CTIF: variants seen among roughly 807,000 people sequenced by gnomAD.
CTIF encodes the protein cap binding complex dependent translation initiation factor.
A neutral mutation model predicts 66.0 loss-of-function variants in CTIF; 21 were observed. That is an observed-to-expected ratio of 0.32 (90% CI 0.23 to 0.46). CTIF has a LOEUF of 0.46. Among genes scored for constraint, CTIF ranks in the 20% least tolerant of loss-of-function variants. The pLI is 1.00. For missense variants in CTIF, 739 were observed against 812.7 expected, an observed-to-expected ratio of 0.91 and a Z score of 1.10; for synonymous variants, 345 against 326.4, an observed-to-expected ratio of 1.06 and a Z score of -0.62.
intron 10 of CTIF, among the ~76,000 whole-genome samples, chr18:48,849,034 C>A (rs2069140419): frequency 6.6e-6 from 1 of 152,274 alleles, no homozygotes; most frequent in East Asian, 1.9e-4. Context: ...GTGCCAGAGA[C>A]TCTGATGAGT....
chr18:48,587,075 CTTT>C (rs778079682), intron 1 of CTIF, among the ~76,000 whole-genome samples: 14 of 127,988 alleles, frequency 1.1e-4, no homozygotes, highest in African/African-American at 1.7e-4. Flanking sequence ...AAGCCACATT[CTTT>C]TTTTTTTTTT....
At chr18:48,588,005 T>C (rs1468673283) in intron 1 of CTIF, among the ~76,000 whole-genome samples, 1 of 152,204 alleles carries the variant, frequency 6.6e-6, no homozygotes, top group Admixed American at 6.5e-5. Context: ...GTGGTTAAAT[T>C]ACTCTCTTGG....
At chr18:48,602,810 A>T (rs1034425682) in intron 1 of CTIF, among the ~76,000 whole-genome samples, 1 of 150,044 alleles carries the variant, frequency 6.7e-6, no homozygotes, top group Non-Finnish European at 1.5e-5. Context: ...TGGGTGAACG[A>T]ATGGATGAAT....
At chr18:48,605,838 G>A (rs2090191064) in intron 1 of CTIF, among the ~76,000 whole-genome samples, 1 of 152,178 alleles carries the variant, frequency 6.6e-6, no homozygotes, top group Non-Finnish European at 1.5e-5. Context: ...TACAATGATG[G>A]GAAAAACGAA....
chr18:48,792,919 G>A (rs2067825351), intron 9 of CTIF, among the ~76,000 whole-genome samples: 1 of 152,162 alleles, frequency 6.6e-6, no homozygotes, highest in South Asian at 2.1e-4. Flanking sequence ...ATAGAAATAA[G>A]CCTCAGGGAG....
At chr18:48,639,904 C>T (rs532646768) in intron 3 of CTIF, among the ~76,000 whole-genome samples, 133 of 152,286 alleles carry the variant, frequency 8.7e-4, no homozygotes, top group Non-Finnish European at 1.8e-3. Context: ...TTTCTGCCCA[C>T]GAAGCAGCCA....
At chr18:48,730,696 AGGTGTGAGGGGCTTCCGC>A (rs1330400346) in intron 7 of CTIF, among the ~76,000 whole-genome samples, 1,315 of 34,170 alleles carry the variant, frequency 0.038, 145 homozygotes, top group South Asian at 0.075. Flanking sequence ...GGAGCCCCTG[AGGTGTGAGGGGCTTCCGC>A]GGTGTGAGGG....
chr18:48,673,845 T>G (rs1276842728), intron 6 of CTIF, among the ~76,000 whole-genome samples: 1 of 152,226 alleles, frequency 6.6e-6, no homozygotes, highest in Admixed American at 6.5e-5. Flanking sequence ...ATTAGTGTAT[T>G]TTATGTGTGG....
At chr18:48,680,082 C>T (rs1054776431) in intron 6 of CTIF, among the ~76,000 whole-genome samples, 2 of 152,160 alleles carry the variant, frequency 1.3e-5, no homozygotes, top group Non-Finnish European at 2.9e-5. Flanking sequence ...ATTCAGAAGC[C>T]GTGGGACAGG....
chr18:48,620,354 A>T (rs2090471869), intron 2 of CTIF, among the ~76,000 whole-genome samples: 1 of 152,166 alleles, frequency 6.6e-6, no homozygotes, highest in Middle Eastern at 3.2e-3. Flanking sequence ...CATCTGAAAG[A>T]TTGTGAGCTG....
intron 9 of CTIF, among the ~76,000 whole-genome samples, chr18:48,783,143 G>A (rs1400364724): frequency 1.3e-5 from 2 of 152,314 alleles, no homozygotes; most frequent in South Asian, 4.1e-4. Context: ...GAGCAACTGG[G>A]ATCCAGGCCT....
intron 9 of CTIF, among the ~76,000 whole-genome samples, chr18:48,783,166 G>A (rs898033254): frequency 6.6e-6 from 1 of 152,164 alleles, no homozygotes; most frequent in Non-Finnish European, 1.5e-5. Flanking sequence ...TAGACACAGG[G>A]TCCCATGTAG....
At chr18:48,701,507 A>G (rs1196239149) in intron 6 of CTIF, among the ~76,000 whole-genome samples, 1 of 103,372 alleles carries the variant, frequency 9.7e-6, no homozygotes, top group Non-Finnish European at 2.0e-5. Flanking sequence ...ACAGAGAGTC[A>G]CAGTCATCCT....
At chr18:48,669,793 T>TTATATATATATATA in intron 5 of CTIF, among the ~76,000 whole-genome samples, 2 of 47,258 alleles carry the variant, frequency 4.2e-5, no homozygotes, top group African/African-American at 8.4e-5. Flanking sequence ...AGCTAAACAT[T>TTATATATATATATA]TATATATATA....
At chr18:48,692,317 A>C (rs1304498687) in intron 6 of CTIF, among the ~76,000 whole-genome samples, 2 of 114,574 alleles carry the variant, frequency 1.7e-5, no homozygotes, top group Non-Finnish European at 3.3e-5. Flanking sequence ...AAAAACAAAA[A>C]CAAAACAAAA....
intron 3 of CTIF, 141 bp downstream of exon 3, chr18:48,636,826 C>A: frequency 2.0e-6 from 1 of 500,368 alleles, no homozygotes; most frequent in South Asian, 5.6e-5. Context: ...GCATCTGTTC[C>A]CTGGAAAGCC....
intron 6 of CTIF, among the ~76,000 whole-genome samples, chr18:48,676,212 C>T (rs556894620): frequency 1.3e-5 from 2 of 152,284 alleles, no homozygotes; most frequent in South Asian, 2.1e-4. Context: ...CGGCGCCCTG[C>T]GGAAATGCCA....
chr18:48,644,430 G>A (rs536908684), intron 3 of CTIF, among the ~76,000 whole-genome samples: 2 of 152,216 alleles, frequency 1.3e-5, no homozygotes, highest in Non-Finnish European at 2.9e-5. Flanking sequence ...AGAAGTGTGC[G>A]CTGTGATTCC....
intron 10 of CTIF, among the ~76,000 whole-genome samples, chr18:48,856,655 A>C (rs2069334350): frequency 6.6e-6 from 1 of 152,256 alleles, no homozygotes; most frequent in African/African-American, 2.4e-5. Flanking sequence ...GTCAATCACA[A>C]AAGGCCACAT....
Sources: allele counts gnomAD v4.1 joint callset (sites outside exome capture counted in the v4.1 genomes callset), GRCh38; gene constraint gnomAD v4.1.1; transcripts MANE v1.5; gene names NCBI Gene and HGNC (gene_info 2026-07-23, HGNC 2026-07-21).